PRKN: variants seen among roughly 807,000 people sequenced by gnomAD.
The protein encoded by PRKN is parkin RBR E3 ubiquitin protein ligase.
In PRKN, 56 loss-of-function variants were observed where a neutral mutation model predicts 59.5. That is an observed-to-expected ratio of 0.94 (90% CI 0.76 to 1.18). The LOEUF is 1.18. Among genes scored for constraint, PRKN ranks in the 50% most tolerant of loss-of-function variants. The probability of loss-of-function intolerance (pLI) is 0.00; values close to 1 mark genes in which losing one functional copy is unlikely to be tolerated. For missense variants in PRKN, 657 were observed against 596.4 expected, an observed-to-expected ratio of 1.10 and a Z score of -1.06; for synonymous variants, 250 against 222.1, an observed-to-expected ratio of 1.13 and a Z score of -1.12.
rs1260239800 is a variant in PRKN, at chr6:161,372,910, G to C, written c.1168-12705C>G. 6.8e-6 allele frequency among the ~76,000 whole-genome samples: 1 copy of C among 146,828 alleles called. No individual in the cohort carries two copies. The highest frequency in any genetic ancestry group is 2.6e-5 in the African/African-American group (1 of 39,198). On this transcript the variant is annotated intron_variant, in intron 10 of 11. Coordinates refer to ENST00000366898, the MANE Select transcript of PRKN (RefSeq NM_004562.3). This position sits in a 1 kb window ranked among gnomAD's most constrained non-coding sequence, Gnocchi z 4.2. ...TGTGGCAAGATCATAGCTCACTCTAGCCTGGAAATCCTGGGCTCTCGAGTA... is the reference window on the plus strand; with the variant it reads ...TGTGGCAAGATCATAGCTCACTCTACCCTGGAAATCCTGGGCTCTCGAGTA...
chr6:162,168,826 G>A (rs550915807), intron 4 of PRKN, among the ~76,000 whole-genome samples: 14 of 152,242 alleles, frequency 9.2e-5, no homozygotes, highest in Admixed American at 7.9e-4. Flanking sequence ...AATTAAAAAT[G>A]CATGAACCAT....
rs1786186777 is a variant in PRKN, at chr6:161,385,225, G to A, written c.1167+1569C>T. Among the ~76,000 whole-genome samples the A allele has an allele frequency of 6.6e-6, 1 of 152,100 alleles. No individual in the cohort carries two copies. Among genetic ancestry groups the A allele is most frequent in the Non-Finnish European group, 1.5e-5 (1 of 68,018 alleles). On this transcript the variant is annotated intron_variant, in intron 10 of 11. Transcript: ENST00000366898. The surrounding 1 kb of genome is among the most constrained non-coding windows in gnomAD (Gnocchi z 4.9). The stretch of plus-strand genomic sequence containing the variant: ...TTACAGGCATAAGCCACCTCGCCCG[G>A]CCGGGAAATATACTTTTCAATGCAT...
chr6:161,819,738 T>C (rs6926426), intron 6 of PRKN, among the ~76,000 whole-genome samples: 79,790 of 151,986 alleles, frequency 0.52, 21,207 homozygotes, highest in Middle Eastern at 0.59. Flanking sequence ...CTTTCAGAGA[T>C]TAAGGCACAT....
rs1250740120 is a variant in PRKN at position 161,386,248 on chromosome 6, C to T, written c.1167+546G>A. ...TAATAAATAAAATAAAATGCATTTG[C>T]ACTTTCCTAAGACTGAGATAGCACC... On this transcript the variant is annotated intron_variant, in intron 10 of 11. Transcript: ENST00000366898. The surrounding 1 kb of genome is among the most constrained non-coding windows in gnomAD (Gnocchi z 4.3). 2.0e-5 allele frequency among the ~76,000 whole-genome samples: 3 copies of T among 152,296 alleles called. No homozygotes were observed. Among genetic ancestry groups the T allele is most frequent in the African/African-American group, 4.8e-5 (2 of 41,562 alleles).
rs768213475 is a variant in PRKN, at chr6:162,443,417, T to C, written c.64A>G (p.Ser22Gly). 1 of 1,614,096 alleles carries C rather than the reference T, an allele frequency of 6.2e-7. No individual in the cohort carries two copies. The change falls in exon 2 of 12, where the codon AGC (serine) becomes GGC (glycine). Residue 22 changes from serine (S) to glycine (G), a missense_variant. Transcript: ENST00000366898. ...GFPVEVDSDT[S>G]IFQLKEVVAK... The stretch of plus-strand genomic sequence containing the variant: ...ACCACCTCCTTGAGCTGGAAGATGC[T>C]GGTGTCAGAATCGACCTCCACTGGG...
intron 5 of PRKN, among the ~76,000 whole-genome samples, chr6:161,978,479 C>T (rs368726901): frequency 1.5e-4 from 23 of 152,264 alleles, no homozygotes; most frequent in East Asian, 7.7e-4. Flanking sequence ...GGGCCTTTTT[C>T]GAAAATTCCA....
chr6:161,483,994 TG>T lies in PRKN; in HGVS notation c.1083+64859del, dbSNP rs1420240539. ...TGAATGATGAGCACACATGGACACA[TG>T]GGGGAACAACACACACTGGGGCCTG... On this transcript the variant is annotated intron_variant, in intron 9 of 11. Transcript: ENST00000366898. This position sits in a 1 kb window ranked among gnomAD's most constrained non-coding sequence, Gnocchi z 5.0. Among the ~76,000 whole-genome samples, 3 of 151,714 alleles carry T rather than the reference TG, an allele frequency of 2.0e-5. No individual in the cohort carries two copies. Among genetic ancestry groups the T allele is most frequent in the African/African-American group, 7.3e-5 (3 of 41,256 alleles).
rs1790519729 is a variant in PRKN at position 161,467,149 on chromosome 6, T to C, written c.1084-80272A>G. Reference sequence around the variant, plus strand: ...AGTGTCCTGCTGCTGGGGGAGCCATTTGTGCTGACGAATAGTTGTTTTTTT... The same window carrying C: ...AGTGTCCTGCTGCTGGGGGAGCCATCTGTGCTGACGAATAGTTGTTTTTTT... On this transcript the variant is annotated intron_variant, in intron 9 of 11. Transcript: ENST00000366898. The surrounding 1 kb of genome is among the most constrained non-coding windows in gnomAD (Gnocchi z 4.3). Among the ~76,000 whole-genome samples, 1 of 152,190 alleles carries C rather than the reference T, an allele frequency of 6.6e-6. No individual in the cohort carries two copies. Among genetic ancestry groups the C allele is most frequent in the Non-Finnish European group, 1.5e-5 (1 of 68,032 alleles).
At chr6:161,505,284 A>G (rs1360915099) in intron 9 of PRKN, among the ~76,000 whole-genome samples, 2 of 152,008 alleles carry the variant, frequency 1.3e-5, no homozygotes, top group Non-Finnish European at 2.9e-5. Context: ...AGTGATGGTG[A>G]GCATTTTTTC....
intron 3 of PRKN, among the ~76,000 whole-genome samples, chr6:162,205,997 A>G (rs1194797772): frequency 6.6e-6 from 1 of 152,140 alleles, no homozygotes; most frequent in Non-Finnish European, 1.5e-5. Context: ...GCTTGTTTTA[A>G]TCTGTGCTCA....
chr6:161,686,901 G>A (rs957879674), intron 7 of PRKN, among the ~76,000 whole-genome samples: 1 of 152,182 alleles, frequency 6.6e-6, no homozygotes, highest in Non-Finnish European at 1.5e-5. Flanking sequence ...CCTGACCTTG[G>A]AGCTGGAGTT....
At chr6:162,689,034 A>G (rs182412019) in intron 1 of PRKN, among the ~76,000 whole-genome samples, 2 of 152,304 alleles carry the variant, frequency 1.3e-5, no homozygotes, top group East Asian at 3.9e-4. Flanking sequence ...AGGGCTAAAT[A>G]TTGATGCATT....
chr6:161,374,205 TGTGTGTG>T (rs1785556003), intron 10 of PRKN, among the ~76,000 whole-genome samples: 1 of 152,046 alleles, frequency 6.6e-6, no homozygotes, highest in East Asian at 1.9e-4. Flanking sequence ...GTTATGTATC[TGTGTGTG>T]GTGTGTGTTC....
At chr6:161,883,614 G>GCAAATCAT (rs892623347) in intron 6 of PRKN, among the ~76,000 whole-genome samples, 4 of 151,996 alleles carry the variant, frequency 2.6e-5, no homozygotes, top group Non-Finnish European at 5.9e-5. Context: ...ACAGCATGCA[G>GCAAATCAT]CAAATCATAA....
chr6:162,557,609 A>G (rs1779660123), intron 1 of PRKN, among the ~76,000 whole-genome samples: 1 of 152,180 alleles, frequency 6.6e-6, no homozygotes, highest in Admixed American at 6.5e-5. Flanking sequence ...CCCAGGTTCA[A>G]GTAATTCTTA....
intron 9 of PRKN, among the ~76,000 whole-genome samples, chr6:161,496,896 T>G (rs779200783): frequency 6.6e-6 from 1 of 152,176 alleles, no homozygotes; most frequent in African/African-American, 2.4e-5. Flanking sequence ...AAGGAGGGAT[T>G]CTTCCCCATG....
At position 161,426,676 on chromosome 6, in the gene PRKN, C is replaced by CACACACACACACACACACACACACACAT. The variant is rs11271613; in HGVS notation, c.1084-39800_1084-39799insATGTGTGTGTGTGTGTGTGTGTGTGTGT. 4.8e-4 allele frequency among the ~76,000 whole-genome samples: 69 copies of CACACACACACACACACACACACACACAT among 142,788 alleles called. 2 individuals are homozygous for CACACACACACACACACACACACACACAT. The highest frequency in any genetic ancestry group is 1.0e-3 in the Admixed American group (15 of 14,360). The allele number at this position is 142,788 out of a possible 152,430, so 93.7% of individuals were successfully genotyped here. On this transcript the variant is annotated intron_variant, in intron 9 of 11. Coordinates refer to ENST00000366898, the MANE Select transcript of PRKN (RefSeq NM_004562.3). Reference sequence around the variant, plus strand: ...ACACACACACACACACACACACACACCTCCTATTAGTTCTGTCCCTCTGGA... The same window carrying CACACACACACACACACACACACACACAT: ...ACACACACACACACACACACACACACACACACACACACACACACACACACACATCTCCTATTAGTTCTGTCCCTCTGGA...
intron 2 of PRKN, among the ~76,000 whole-genome samples, chr6:162,326,403 T>C (rs1194801721): frequency 6.6e-6 from 1 of 152,092 alleles, no homozygotes; most frequent in Non-Finnish European, 1.5e-5. Flanking sequence ...TGCCTTAGGA[T>C]GAAAAAAAAT....
At chr6:162,165,472 A>G (rs1270028897) in intron 4 of PRKN, among the ~76,000 whole-genome samples, 3 of 149,350 alleles carry the variant, frequency 2.0e-5, no homozygotes, top group African/African-American at 7.6e-5. Flanking sequence ...TACATTTCCT[A>G]ATGAACCTAA....
Sources: allele counts gnomAD v4.1 joint callset (sites outside exome capture counted in the v4.1 genomes callset), GRCh38; gene constraint gnomAD v4.1.1; non-coding constraint Gnocchi (gnomAD v3.1); transcripts MANE v1.5; gene names NCBI Gene and HGNC (gene_info 2026-07-23, HGNC 2026-07-21).